Variants in CPNE8 observed in about 807,000 individuals in gnomAD.
CPNE8 encodes the protein copine 8.
CPNE8 carries 45 observed loss-of-function variants against 81.5 expected under a neutral mutation model. The ratio of observed to expected loss-of-function variants is 0.55; its 90% confidence interval spans 0.44 to 0.71. The LOEUF is 0.71. Among genes scored for constraint, CPNE8 ranks in the 30% least tolerant of loss-of-function variants. The probability of loss-of-function intolerance (pLI) is 0.00; values close to 1 mark genes in which losing one functional copy is unlikely to be tolerated. For missense variants in CPNE8, 594 were observed against 672.1 expected (o/e 0.88, Z 1.28); for synonymous variants, 252 against 226.3 (o/e 1.11, Z -1.02).
chr12:38,795,415 T>C (rs952354461), intron 6 of CPNE8, among the ~76,000 whole-genome samples: 23 of 152,174 alleles, frequency 1.5e-4, no homozygotes, highest in Admixed American at 1.4e-3. Context: ...TGAAGAGATA[T>C]TTGCACACCT....
chr12:38,825,644 T>C (rs149550967), intron 6 of CPNE8, among the ~76,000 whole-genome samples: 1 of 152,368 alleles, frequency 6.6e-6, no homozygotes, highest in East Asian at 1.9e-4. Flanking sequence ...TCAAAGTACC[T>C]GAACTTAAAA....
chr12:38,674,654 T>C (rs1397316786), intron 18 of CPNE8, among the ~76,000 whole-genome samples: 1 of 152,134 alleles, frequency 6.6e-6, no homozygotes, highest in Non-Finnish European at 1.5e-5. Flanking sequence ...GACTTGCTTT[T>C]GAAACTGTAA....
At chr12:38,813,252 C>A (rs1341550754) in intron 6 of CPNE8, among the ~76,000 whole-genome samples, 1 of 152,104 alleles carries the variant, frequency 6.6e-6, no homozygotes, top group South Asian at 2.1e-4. Context: ...TGAGACCATA[C>A]ACATCAAAGG....
intron 10 of CPNE8, among the ~76,000 whole-genome samples, chr12:38,742,833 C>G (rs905241100): frequency 7.2e-5 from 11 of 151,820 alleles, no homozygotes; most frequent in Admixed American, 7.2e-4. Context: ...AAGTTTGTGT[C>G]TCTGTCCTAG....
chr12:38,812,217 C>T (rs899978279), intron 6 of CPNE8, among the ~76,000 whole-genome samples: 4 of 152,164 alleles, frequency 2.6e-5, no homozygotes, highest in Non-Finnish European at 4.4e-5. Context: ...AGAAATAGTC[C>T]TATCATTTGA....
chr12:38,729,764 G>A (rs1428429137), intron 11 of CPNE8, among the ~76,000 whole-genome samples: 3 of 152,026 alleles, frequency 2.0e-5, no homozygotes, highest in African/African-American at 7.2e-5. Flanking sequence ...CATATTTGGT[G>A]ATTAACTGGC....
At chr12:38,700,653 G>T (rs1939918023) in intron 14 of CPNE8, among the ~76,000 whole-genome samples, 1 of 152,090 alleles carries the variant, frequency 6.6e-6, no homozygotes, top group South Asian at 2.1e-4. Flanking sequence ...TATCGACAGG[G>T]TGTTGATAAT....
At chr12:38,854,525 C>T (rs747276215) in intron 3 of CPNE8, among the ~76,000 whole-genome samples, 1 of 151,652 alleles carries the variant, frequency 6.6e-6, no homozygotes, top group Non-Finnish European at 1.5e-5. Context: ...AAATCTTGAA[C>T]AAAATACTAT....
chr12:38,681,253 T>C (rs1939403785), intron 16 of CPNE8, among the ~76,000 whole-genome samples: 1 of 152,068 alleles, frequency 6.6e-6, no homozygotes, highest in South Asian at 2.1e-4. Flanking sequence ...GTAAAGATGG[T>C]TTACACCATA....
At chr12:38,783,611 T>A (rs1218284365) in intron 6 of CPNE8, among the ~76,000 whole-genome samples, 1 of 152,180 alleles carries the variant, frequency 6.6e-6, no homozygotes, top group South Asian at 2.1e-4. Flanking sequence ...GTCCTAGTGA[T>A]GATAGCCAAA....
chr12:38,686,344 G>A (rs190010340), intron 15 of CPNE8, among the ~76,000 whole-genome samples: 7 of 152,202 alleles, frequency 4.6e-5, no homozygotes, highest in Non-Finnish European at 7.4e-5. Flanking sequence ...TGGGAACAGC[G>A]CCCAGAAAGG....
intron 18 of CPNE8, among the ~76,000 whole-genome samples, chr12:38,672,400 G>C (rs1386665494): frequency 1.3e-5 from 2 of 152,194 alleles, no homozygotes; most frequent in East Asian, 3.9e-4. Context: ...GTGCTTTTGA[G>C]AGCAAGAAGA....
At chr12:38,814,534 G>T (rs1400411197) in intron 6 of CPNE8, among the ~76,000 whole-genome samples, 1 of 151,798 alleles carries the variant, frequency 6.6e-6, no homozygotes, top group South Asian at 2.1e-4. Context: ...TATTGATCAG[G>T]CTGGTCTTGA....
chr12:38,861,911 A>T (rs1388073137), intron 3 of CPNE8, among the ~76,000 whole-genome samples: 4 of 152,154 alleles, frequency 2.6e-5, no homozygotes, highest in Admixed American at 6.5e-5. Context: ...GCTGAGAGAA[A>T]ATAGAGCATG....
intron 6 of CPNE8, among the ~76,000 whole-genome samples, chr12:38,797,673 C>A (rs1350878674): frequency 2.0e-5 from 3 of 152,166 alleles, no homozygotes; most frequent in Non-Finnish European, 2.9e-5. Flanking sequence ...CAGTTCCTCA[C>A]CAGCAACAGA....
intron 10 of CPNE8, among the ~76,000 whole-genome samples, chr12:38,732,699 ATT>A (rs1385954428): frequency 1.3e-5 from 2 of 151,938 alleles, no homozygotes; most frequent in Non-Finnish European, 2.9e-5. Context: ...GACTTTTCAG[ATT>A]TCTCACCCTA....
chr12:38,687,689 AAAGCTTTCTAC>A (rs1185453083), intron 15 of CPNE8, among the ~76,000 whole-genome samples: 1 of 152,108 alleles, frequency 6.6e-6, no homozygotes, highest in Non-Finnish European at 1.5e-5. Context: ...GCCAAAATGC[AAAGCTTTCTAC>A]AAGGCTGGGG....
At chr12:38,684,207 A>T (rs1032581231) in intron 16 of CPNE8, among the ~76,000 whole-genome samples, 1 of 152,162 alleles carries the variant, frequency 6.6e-6, no homozygotes, top group African/African-American at 2.4e-5. Context: ...GACATTACTT[A>T]CATCGGCTAG....
intron 10 of CPNE8, among the ~76,000 whole-genome samples, chr12:38,742,351 A>C (rs538689610): frequency 6.6e-6 from 1 of 152,302 alleles, no homozygotes; most frequent in Admixed American, 6.5e-5. Context: ...TGCAGCCATA[A>C]AAAATGATGA....
Sources: allele counts gnomAD v4.1 joint callset (sites outside exome capture counted in the v4.1 genomes callset), GRCh38; gene constraint gnomAD v4.1.1; transcripts MANE v1.5; gene names NCBI Gene and HGNC (gene_info 2026-07-23, HGNC 2026-07-21).